The following HERPUD1 variants were observed in gnomAD, a reference collection of about 807,000 sequenced individuals.
HERPUD1 encodes the protein homocysteine inducible ER protein with ubiquitin like domain 1.
A neutral mutation model predicts 45.0 loss-of-function variants in HERPUD1; 17 were observed. The observed-to-expected ratio is 0.38, with a 90% confidence interval of 0.26 to 0.57. The LOEUF (loss-of-function observed/expected upper bound fraction) is 0.57. HERPUD1 is among the 20% of genes least tolerant of loss of function. HERPUD1 has a pLI of 0.72. For missense variants in HERPUD1, 420 were observed against 490.5 expected, an observed-to-expected ratio of 0.86 and a Z score of 1.36; for synonymous variants, 164 against 177.5, an observed-to-expected ratio of 0.92 and a Z score of 0.61.
intron 5 of HERPUD1, 120 bp from the exon 6 acceptor site, chr16:56,939,775 A>G: frequency 1.4e-6 from 1 of 730,858 alleles, no homozygotes; most frequent in Non-Finnish European, 2.2e-6. Context: ...ATTGAAGAAA[A>G]ATCAAAGGCA....
intron 1 of HERPUD1, among the ~76,000 whole-genome samples, chr16:56,934,702 C>CTTTTTTTTTTTG (rs2055851685): frequency 1.7e-5 from 1 of 59,862 alleles, no homozygotes. Flanking sequence ...ATTTGCCATT[C>CTTTTTTTTTTTG]TTTTTTTTTT....
At chr16:56,939,767 TGAA>T in intron 5 of HERPUD1, 125 bp from the exon 6 acceptor site, 1 of 692,430 alleles carries the variant, frequency 1.4e-6, no homozygotes. Context: ...TTCACTAAAT[TGAA>T]GAAAAATCAA....
chr16:56,932,184 T>A lies in HERPUD1; in HGVS notation c.-61T>A, dbSNP rs1393865365. 1.9e-6 allele frequency: 3 copies of A among 1,579,410 alleles called. No individual in the cohort carries two copies. Among genetic ancestry groups the A allele is most frequent in the Non-Finnish European group, 2.6e-6 (3 of 1,169,280 alleles). ...TGTCGTTGCAGAGATTGCGGGCGGC[T>A]GAGACGCCGCCTGCCTGGCACCTAG... On this transcript the variant is annotated 5_prime_UTR_variant, in exon 1 of 8. Coordinates refer to ENST00000439977, the MANE Select transcript of HERPUD1 (RefSeq NM_014685.4).
rs774812029 is a variant in HERPUD1 at position 56,943,257 on chromosome 16, T to C, written c.1143T>C (p.Leu381=). 1.9e-6 allele frequency: 3 copies of C among 1,614,202 alleles called. No individual in the cohort carries two copies. Among genetic ancestry groups the C allele is most frequent in the South Asian group, 1.1e-5 (1 of 91,088 alleles). Residue 381 remains leucine (L), a synonymous_variant, in exon 8 of 8, where the codon CTT becomes CTC. Transcript: ENST00000439977. ...WLVFKTFFAS[L]LPEGPPAIAN is the part of the protein sequence containing the mutation. ...TCTTCAAGACTTTCTTTGCCTCTCT[T>C]CTTCCAGAAGGCCCCCCAGCCATCG...
chr16:56,933,444 T>G, intron 1 of HERPUD1: 1 of 428,824 alleles, frequency 2.3e-6, no homozygotes, highest in Non-Finnish European at 4.7e-6. Flanking sequence ...AGAAACTGGG[T>G]GGCTGTGTTG....
rs550524014 is a variant in HERPUD1, at chr16:56,943,638, G to C, written c.*348G>C. On this transcript the variant is annotated 3_prime_UTR_variant, in exon 8 of 8. Transcript: ENST00000439977. ...TGTGTGTTTGTACATAGAAGTCATA[G>C]ATGCAGAAGTGGTTCTGCTGGTACG... 4.6e-5 allele frequency: 19 copies of C among 416,224 alleles called. No individual in the cohort carries two copies. The highest frequency in any genetic ancestry group is 3.6e-4 in the Admixed American group (10 of 27,578). The allele number at this position is 416,224 out of a possible 1,614,324, so 25.8% of individuals were successfully genotyped here. A position where few individuals can be genotyped will look rare whatever the true frequency, so the allele number is the denominator to read the frequency against.
At chr16:56,939,164 T>C (rs1355207543) in intron 4 of HERPUD1, 73 bp from the exon 5 acceptor site, 1 of 1,513,414 alleles carries the variant, frequency 6.6e-7, no homozygotes, top group Non-Finnish European at 9.0e-7. Context: ...TTCTTGATTT[T>C]AATTTAAACT....
Position 56,936,832 on chromosome 16 carries a change from A to G in HERPUD1, c.431+15A>G. 6.2e-7 allele frequency: 1 copy of G among 1,612,784 alleles called. No homozygotes were observed. The highest frequency in any genetic ancestry group is 8.5e-7 in the Non-Finnish European group (1 of 1,179,156). On this transcript the variant is annotated intron_variant, in intron 4 of 7. Transcript: ENST00000439977. ...AACATCTCAAGGTGAGTGTTATAAT[A>G]AAGATCTTGGCTTATGCAACATGAA...
At chr16:56,932,531 T>C (rs1317362646) in intron 1 of HERPUD1, 140 bp downstream of exon 1, 2 of 793,406 alleles carry the variant, frequency 2.5e-6, no homozygotes, top group African/African-American at 3.6e-5. Context: ...CCCAGGGCTG[T>C]GGTCTCCCCT....
chr16:56,936,203 T>A (rs2055864991), intron 3 of HERPUD1: 1 of 152,652 alleles, frequency 6.6e-6, no homozygotes, highest in Non-Finnish European at 1.5e-5. Flanking sequence ...AAATTCCCTA[T>A]TTTGCCATTA....
In HERPUD1 at chr16:56,938,726, G is replaced by A. The variant is rs139541557; in HGVS notation, c.432-511G>A. On this transcript the variant is annotated intron_variant, in intron 4 of 7. Coordinates refer to ENST00000439977, the MANE Select transcript of HERPUD1 (RefSeq NM_014685.4). ...TCATGAGATTGCTGTGGACCCAGCA[G>A]CCTGTACAGGACCCCCGGTGGTCAG... Among the ~76,000 whole-genome samples, 522 of 152,270 alleles carry A rather than the reference G, an allele frequency of 3.4e-3. 2 individuals are homozygous for A. Among genetic ancestry groups the A allele is most frequent in the Non-Finnish European group, 5.6e-3 (383 of 68,020 alleles).
At position 56,942,235 on chromosome 16, in the gene HERPUD1, C is replaced by A. The variant is rs765160992; in HGVS notation, c.1009C>A (p.Gln337Lys). The change falls in exon 7 of 8, where the codon CAG becomes AAG. Residue 337 changes from glutamine (Q) to lysine (K), a missense_variant and splice_region_variant. Physicochemically the swap from Gln to Lys is moderately conservative, Grantham distance 53. Transcript: ENST00000439977. ...AAATCAGGACCCCAACAATAACTTA[C>A]AGGTATGGAGCCTCCCACGAAGCCC... Reference protein sequence around the residue: ...VVNQDPNNNLQEGTDPETEDP... With the variant: ...VVNQDPNNNLKEGTDPETEDP... The A allele has an allele frequency of 6.2e-7, 1 of 1,609,098 alleles. No homozygotes were observed. The highest frequency in any genetic ancestry group is 1.3e-5 in the African/African-American group (1 of 74,838).
intron 1 of HERPUD1, among the ~76,000 whole-genome samples, chr16:56,934,259 A>T (rs1337418219): frequency 2.0e-5 from 3 of 152,206 alleles, no homozygotes; most frequent in Non-Finnish European, 2.9e-5. Flanking sequence ...AATAGATTTT[A>T]AAAATGAGAT....
intron 5 of HERPUD1, 34 bp downstream of exon 5, chr16:56,939,393 G>A: frequency 6.2e-7 from 1 of 1,612,780 alleles, no homozygotes; most frequent in Non-Finnish European, 8.5e-7. Flanking sequence ...GTGTGGCCAG[G>A]GCTCCCGGGA....
Position 56,937,003 on chromosome 16 carries a change from G to A in HERPUD1, c.431+186G>A, listed in dbSNP as rs73561709. The A allele has an allele frequency of 3.3e-3, 1,503 of 456,714 alleles. 9 individuals are homozygous for A. The highest frequency in any genetic ancestry group is 0.019 in the African/African-American group (933 of 49,068). 28.3% of individuals were successfully genotyped at this position (456,714 alleles called of 1,614,324 possible). ...ACTTTTCTTAATACACAGCCTTTTA[G>A]TACACACAAATTTAAAAAGTAGGTA... is the stretch of plus-strand genomic sequence containing the variant. On this transcript the variant is annotated intron_variant, in intron 4 of 7. Transcript: ENST00000439977.
chr16:56,942,073 C>G (rs1894904786), intron 6 of HERPUD1, 59 bp from the exon 7 acceptor site: 2 of 1,390,684 alleles, frequency 1.4e-6, no homozygotes, highest in African/African-American at 1.4e-5. Context: ...GCCTTGGATT[C>G]TTGAGTAAGT....
intron 1 of HERPUD1, chr16:56,933,272 G>A (rs1485883789): frequency 6.6e-6 from 3 of 455,960 alleles, no homozygotes; most frequent in East Asian, 6.9e-5. Context: ...TTGTGGTAGC[G>A]CCTGTGTCTG....
chr16:56,937,387 G>A (rs1811285870), intron 4 of HERPUD1: 1 of 152,166 alleles, frequency 6.6e-6, no homozygotes, highest in Admixed American at 6.5e-5. Flanking sequence ...TTAACTGCAA[G>A]TTGCAATTCT....
chr16:56,943,118 A>G lies in HERPUD1; in HGVS notation c.1012-8A>G. 6.2e-7 allele frequency: 1 copy of G among 1,611,968 alleles called. No individual in the cohort carries two copies. Among genetic ancestry groups the G allele is most frequent in the Non-Finnish European group, 8.5e-7 (1 of 1,178,298 alleles). On this transcript the variant is annotated splice_region_variant and splice_polypyrimidine_tract_variant and intron_variant, in intron 7 of 7. Coordinates refer to ENST00000439977, the MANE Select transcript of HERPUD1 (RefSeq NM_014685.4). ...TGTTTCATTACCTCATTGTTTCATT[A>G]CCTGTAGGAAGGCACTGATCCTGAA...
Sources: gnomAD v4.1 joint callset for allele counts (sites outside exome capture counted in the v4.1 genomes callset) on GRCh38, gnomAD v4.1.1 for gene constraint, MANE v1.5 for transcripts, NCBI Gene and HGNC (gene_info 2026-07-23, HGNC 2026-07-21) for gene names.